The following BIRC6 variants were observed in gnomAD, a reference collection of about 807,000 sequenced individuals.
BIRC6 encodes dual E2 ubiquitin-conjugating enzyme/E3 ubiquitin-protein ligase BIRC6.
In BIRC6, 98 loss-of-function variants were observed where a neutral mutation model predicts 503.3. That is an observed-to-expected ratio of 0.19 (90% CI 0.17 to 0.23). BIRC6 has a LOEUF of 0.23. Ranked by LOEUF, BIRC6 falls within the 10% of genes least tolerant of loss-of-function variation. The pLI is 1.00. For synonymous variants in BIRC6, 2,240 were observed against 2,078.7 expected (o/e 1.08, Z -2.11); for missense variants, 5,360 against 5,806.0 (o/e 0.92, Z 2.50).
chr2:32,556,715 G>A (rs377663555), intron 65 of BIRC6, among the ~76,000 whole-genome samples: 162 of 152,292 alleles, frequency 1.1e-3, no homozygotes, highest in African/African-American at 3.7e-3. Flanking sequence ...TTGAGAGGCC[G>A]AGGTGGGTGG....
intron 1 of BIRC6, among the ~76,000 whole-genome samples, chr2:32,365,771 G>A (rs1260171514): frequency 6.6e-6 from 1 of 152,036 alleles, no homozygotes; most frequent in Non-Finnish European, 1.5e-5. Flanking sequence ...AAAAATTAGG[G>A]CCCTATTATG....
intron 13 of BIRC6, among the ~76,000 whole-genome samples, chr2:32,434,019 A>G (rs1276299427): frequency 4.6e-5 from 7 of 152,204 alleles, no homozygotes; most frequent in Admixed American, 4.6e-4. Flanking sequence ...AACTTGAATC[A>G]TATAATTATA....
At chr2:32,540,116 A>T (rs370843456) in intron 61 of BIRC6, among the ~76,000 whole-genome samples, 1 of 152,120 alleles carries the variant, frequency 6.6e-6, no homozygotes, top group African/African-American at 2.4e-5. Flanking sequence ...GTATACACTT[A>T]TGCAGAATTG....
intron 59 of BIRC6, 178 bp from the exon 60 acceptor site, chr2:32,529,473 A>G: frequency 1.9e-6 from 1 of 529,842 alleles, no homozygotes; most frequent in Non-Finnish European, 3.2e-6. Flanking sequence ...TCATTATTAT[A>G]TGTCAGAAAT....
chr2:32,369,944 AAATATATATATATATATATAT>A (rs1387338456), intron 1 of BIRC6, among the ~76,000 whole-genome samples: 5 of 25,762 alleles, frequency 1.9e-4, no homozygotes, highest in African/African-American at 5.4e-4. Flanking sequence ...AAAAAAAAAA[AAATATATATATATATATATAT>A]ATATATATAT....
At position 32,441,385 on chromosome 2, in the gene BIRC6, C is replaced by T. The variant is rs377461481; in HGVS notation, c.3867C>T (p.Asn1289=). The change falls in exon 17 of 74, where the codon AAC becomes AAT. Residue 1289 remains asparagine (N), a synonymous_variant. Transcript: ENST00000421745. The part of the protein sequence containing the change: ...ENTSGTRKSE[N]LRGCDLLQEV... ...CAAGTGGCACCCGTAAATCTGAAAA[C>T]CTCCGGGGCTGTGATTTACTTCAAG... The T allele has an allele frequency of 5.0e-6, 8 of 1,608,882 alleles. No homozygotes were observed. In the African/African-American group the frequency reaches 5.3e-5, roughly 11 times the overall value.
Position 32,491,416 on chromosome 2 carries a change from G to T in BIRC6, c.8207-9G>T. The T allele has an allele frequency of 6.3e-7, 1 of 1,598,554 alleles. No individual in the cohort carries two copies. On this transcript the variant is annotated splice_polypyrimidine_tract_variant and intron_variant, in intron 43 of 73. Transcript: ENST00000421745. ...ATTTCTTAAGAGGTTTTTAAAAAAT[G>T]TTTTATAGCTGGTTCCAGCAGTGCC...
intron 66 of BIRC6, 85 bp from the exon 67 acceptor site, chr2:32,593,830 C>A: frequency 8.5e-7 from 1 of 1,171,762 alleles, no homozygotes; most frequent in Non-Finnish European, 1.2e-6. Flanking sequence ...AATGCACACA[C>A]TCATTTGTAT....
chr2:32,382,327 T>C (rs2037789783), intron 3 of BIRC6, among the ~76,000 whole-genome samples: 1 of 152,214 alleles, frequency 6.6e-6, no homozygotes, highest in Admixed American at 6.5e-5. Context: ...GAGGGAACTC[T>C]ATGAAACTGG....
intron 54 of BIRC6, among the ~76,000 whole-genome samples, 179 bp downstream of exon 54, chr2:32,513,333 A>T (rs1054407487): frequency 6.6e-6 from 1 of 152,216 alleles, no homozygotes; most frequent in Admixed American, 6.5e-5. Flanking sequence ...TTGTGTTTTA[A>T]GAAGATATGT....
At chr2:32,584,422 G>C (rs1490413965) in intron 66 of BIRC6, among the ~76,000 whole-genome samples, 1 of 152,030 alleles carries the variant, frequency 6.6e-6, no homozygotes, top group Non-Finnish European at 1.5e-5. Context: ...AATCCCAGCT[G>C]CTTGGGAGGC....
At chr2:32,363,608 T>C (rs1488689231) in intron 1 of BIRC6, among the ~76,000 whole-genome samples, 3 of 152,204 alleles carry the variant, frequency 2.0e-5, no homozygotes, top group Non-Finnish European at 4.4e-5. Context: ...TTGTCTTTTT[T>C]ATAAGCTTTT....
intron 58 of BIRC6, 97 bp from the exon 59 acceptor site, chr2:32,525,367 C>A: frequency 7.7e-7 from 1 of 1,290,930 alleles, no homozygotes; most frequent in Non-Finnish European, 1.1e-6. Context: ...CTGACATTAG[C>A]TAGGAATGCA....
At chr2:32,438,633 C>T (rs1167904687) in intron 15 of BIRC6, among the ~76,000 whole-genome samples, 2 of 146,818 alleles carry the variant, frequency 1.4e-5, no homozygotes, top group African/African-American at 5.1e-5. Flanking sequence ...CATCTTGGCT[C>T]ACGGCAAGCT....
chr2:32,384,782 C>T (rs1033494221), intron 3 of BIRC6, among the ~76,000 whole-genome samples: 12 of 152,152 alleles, frequency 7.9e-5, no homozygotes, highest in Non-Finnish European at 1.2e-4. Context: ...GCACACAAGT[C>T]CATTGAGCAA....
intron 1 of BIRC6, among the ~76,000 whole-genome samples, chr2:32,363,699 C>G (rs536814112): frequency 6.6e-6 from 1 of 152,180 alleles, no homozygotes; most frequent in Non-Finnish European, 1.5e-5. Context: ...GAACTCACTA[C>G]TTAAACCTCC....
In BIRC6 at chr2:32,549,318, T is replaced by G. The variant is rs1320310903; in HGVS notation, c.12981T>G (p.Leu4327=). ...EEHVTCLLQV[L]ASYINPVSSA... The stretch of plus-strand genomic sequence containing the variant: ...TTAATTTCAACAATTTTTAGGTTCT[T>G]GCCAGTTACATAAATCCCGTCAGTA... Residue 4327 remains leucine, a synonymous_variant, in exon 65 of 74, where the codon CTT becomes CTG. Transcript: ENST00000421745. The G allele has an allele frequency of 2.1e-6, 3 of 1,449,296 alleles. No homozygotes were observed. Among genetic ancestry groups the G allele is most frequent in the Non-Finnish European group, 2.8e-6 (3 of 1,082,924 alleles). 89.8% of individuals were successfully genotyped at this position (1,449,296 alleles called of 1,614,324 possible).
In BIRC6 at chr2:32,476,207, A is replaced by G. The variant is rs976018802; in HGVS notation, c.6721-6A>G. The G allele has an allele frequency of 1.3e-6, 2 of 1,528,854 alleles. No homozygotes were observed. Among genetic ancestry groups the G allele is most frequent in the South Asian group, 1.3e-5 (1 of 79,160 alleles). The allele number at this position is 1,528,854 out of a possible 1,614,324, so 94.7% of individuals were successfully genotyped here. On this transcript the variant is annotated splice_polypyrimidine_tract_variant and splice_region_variant and intron_variant, in intron 33 of 73. Transcript: ENST00000421745. The stretch of plus-strand genomic sequence containing the variant: ...AAAGATTAAGTTGTTTATTTGTTTT[A>G]TAAAGCAACTTAACCTACTAAAAGC...
chr2:32,480,039 AC>A (rs1207186088), intron 37 of BIRC6, among the ~76,000 whole-genome samples: 4 of 151,964 alleles, frequency 2.6e-5, no homozygotes, highest in Non-Finnish European at 5.9e-5. Flanking sequence ...TCATCTCCAT[AC>A]CCCTTACTTT....
Sources: gnomAD v4.1 joint callset for allele counts (sites outside exome capture counted in the v4.1 genomes callset) on GRCh38, gnomAD v4.1.1 for gene constraint, MANE v1.5 for transcripts, NCBI Gene and HGNC (gene_info 2026-07-23, HGNC 2026-07-21) for gene names.